Variants in RREB1 observed in about 807,000 individuals in gnomAD.
RREB1 encodes ras responsive element binding protein 1, also known as ras-responsive element-binding protein 1.
Under a neutral mutation model 117.8 loss-of-function variants are expected in RREB1, and 27 were observed. The ratio of observed to expected loss-of-function variants is 0.23; its 90% CI spans 0.17 to 0.32. The LOEUF (loss-of-function observed/expected upper bound fraction) is 0.32, where lower values mean the gene tolerates loss of function less well. Among genes scored for constraint, RREB1 ranks in the 10% least tolerant of loss-of-function variants. The pLI is 1.00. For synonymous variants in RREB1, 1,298 were observed against 1,026.7 expected (o/e 1.26, Z -5.05); for missense variants, 2,577 against 2,378.2 (o/e 1.08, Z -1.74).
chr6:7,230,613 C>G lies in RREB1; in HGVS notation c.2514C>G (p.Ala838=). 1 of 1,604,488 alleles carries G rather than the reference C, an allele frequency of 6.2e-7. No individual in the cohort carries two copies. Among genetic ancestry groups the G allele is most frequent in the South Asian group, 1.1e-5 (1 of 90,306 alleles). Residue 838 remains alanine (A), a synonymous_variant, in exon 10 of 13, where the codon GCC becomes GCG. Transcript: ENST00000379938. ...GCCTGGGCCCCGCAGAGGCGCCGGC[C>G]GCTGAGGCGTCGGGGCGCGGGGAGG... is the stretch of plus-strand genomic sequence containing the variant. The part of the protein sequence containing the change: ...ADGLGPAEAP[A]AEASGRGEDS...
intron 1 of RREB1, among the ~76,000 whole-genome samples, chr6:7,123,297 CTG>C (rs892870686): frequency 6.6e-6 from 1 of 151,800 alleles, no homozygotes; most frequent in African/African-American, 2.4e-5. Flanking sequence ...AGCTGGGACT[CTG>C]TACAGGCGCG....
At chr6:7,202,271 G>C (rs1766031083) in intron 6 of RREB1, among the ~76,000 whole-genome samples, 1 of 152,216 alleles carries the variant, frequency 6.6e-6, no homozygotes, top group East Asian at 1.9e-4. Context: ...TTTTGGAACT[G>C]GCTGAGGAGT....
chr6:7,147,289 T>C (rs1158367424), intron 1 of RREB1, among the ~76,000 whole-genome samples: 1 of 152,206 alleles, frequency 6.6e-6, no homozygotes, highest in Non-Finnish European at 1.5e-5. Flanking sequence ...GTTGTTTTTT[T>C]CCCCCTTAGA....
intron 1 of RREB1, among the ~76,000 whole-genome samples, chr6:7,110,115 C>T (rs969638072): frequency 6.6e-6 from 1 of 151,942 alleles, no homozygotes. Flanking sequence ...TATTTTTTTT[C>T]CCCTTTATAT....
intron 8 of RREB1, chr6:7,216,697 G>A (rs1394069586): frequency 6.6e-6 from 1 of 152,272 alleles, no homozygotes; most frequent in African/African-American, 2.4e-5. Context: ...CTAAAAACAG[G>A]GAAAAGATAA....
rs757637155 is a variant in RREB1 at position 7,229,711 on chromosome 6, A to T, written c.1612A>T (p.Ile538Phe). Residue 538 changes from isoleucine to phenylalanine, a missense_variant, in exon 10 of 13, where the codon ATC (isoleucine) becomes TTC (phenylalanine). By Grantham distance (21) the Ile-to-Phe change is conservative (BLOSUM62 0). Coordinates refer to ENST00000379938, the MANE Select transcript of RREB1 (RefSeq NM_001003699.4). The surrounding 1 kb of genome is among the most constrained non-coding windows in gnomAD (Gnocchi z 4.5). ...INAQQASPGC[I>F]SPSLPPPPLK... is the part of the protein sequence containing the mutation. Reference sequence around the variant, plus strand: ...CGCCCAGCAGGCTTCCCCGGGCTGTATCAGCCCCAGCCTGCCGCCACCGCC... The same window carrying T: ...CGCCCAGCAGGCTTCCCCGGGCTGTTTCAGCCCCAGCCTGCCGCCACCGCC... The T allele has an allele frequency of 5.0e-6, 8 of 1,606,056 alleles. No individual in the cohort carries two copies. Among genetic ancestry groups the T allele is most frequent in the Non-Finnish European group, 5.1e-6 (6 of 1,175,422 alleles).
intron 1 of RREB1, among the ~76,000 whole-genome samples, chr6:7,161,427 G>A (rs1763655529): frequency 6.6e-6 from 1 of 152,186 alleles, no homozygotes; most frequent in Non-Finnish European, 1.5e-5. Flanking sequence ...AAAGACTGCA[G>A]ATGTTCTTAG....
chr6:7,186,725 G>A (rs1364203365), intron 4 of RREB1, among the ~76,000 whole-genome samples: 1 of 152,176 alleles, frequency 6.6e-6, no homozygotes, highest in Non-Finnish European at 1.5e-5. Flanking sequence ...TGCATTCTGA[G>A]GGAACATAAA....
rs1769126866 is a variant in RREB1 at position 7,247,073 on chromosome 6, A to C, written c.4623A>C (p.Ser1541=). The stretch of plus-strand genomic sequence containing the variant: ...AGAGCGCGGCCGAGAAAAGGTCCTC[A>C]GAGAAGAGCGACGATGACAAGAAAC... The part of the protein sequence containing the change: ...DGESAAEKRS[S]EKSDDDKKPK... Residue 1541 remains serine (S), a synonymous_variant, in exon 12 of 13, where the codon TCA becomes TCC. Coordinates refer to ENST00000379938, the MANE Select transcript of RREB1 (RefSeq NM_001003699.4). 1 of 1,613,632 alleles carries C rather than the reference A, an allele frequency of 6.2e-7. No individual in the cohort carries two copies. Among genetic ancestry groups the C allele is most frequent in the South Asian group, 1.1e-5 (1 of 91,094 alleles).
In RREB1 at chr6:7,231,541, G is replaced by C; in HGVS notation, c.3442G>C (p.Gly1148Arg). 6.2e-7 allele frequency: 1 copy of C among 1,609,410 alleles called. No homozygotes were observed. The highest frequency in any genetic ancestry group is 8.5e-7 in the Non-Finnish European group (1 of 1,178,204). ...CTCTCCCACCGAGCAGGGCCCAGCGGGCACGTCGAAGAAGAGGGGCCGGAA... is the reference window on the plus strand; with the variant it reads ...CTCTCCCACCGAGCAGGGCCCAGCGCGCACGTCGAAGAAGAGGGGCCGGAA... ...AASPTEQGPA[G>R]TSKKRGRKRG... The change falls in exon 10 of 13, where the codon GGC (glycine) becomes CGC (arginine). Residue 1148 changes from glycine (G) to arginine (R), a missense_variant. By Grantham distance (125) the Gly-to-Arg change is moderately radical. Transcript: ENST00000379938.
In RREB1 at chr6:7,246,424, ACAGT is replaced by A. The variant is rs896737654; in HGVS notation, c.3980_3983del (p.Gln1327ArgfsTer13). 8 of 1,476,984 alleles carry A rather than the reference ACAGT, an allele frequency of 5.4e-6. No homozygotes were observed. Among genetic ancestry groups the A allele is most frequent in the Admixed American group, 2.3e-5 (1 of 43,474 alleles). 91.5% of individuals were successfully genotyped at this position (1,476,984 alleles called of 1,614,324 possible). On this transcript the variant is annotated frameshift_variant and splice_region_variant, in exon 12 of 13. Transcript: ENST00000379938. LOFTEE classifies it high-confidence loss of function. Reference sequence around the variant, plus strand: ...CCTCCCCGCTGTGCTTGCCCCACAGACAGTCAGTCGGATGCGGAGACTGCAGCCG... The same window carrying A: ...CCTCCCCGCTGTGCTTGCCCCACAGACAGTCGGATGCGGAGACTGCAGCCG...
intron 1 of RREB1, among the ~76,000 whole-genome samples, chr6:7,156,702 C>T (rs892642132): frequency 2.6e-5 from 4 of 152,186 alleles, no homozygotes; most frequent in African/African-American, 7.2e-5. Flanking sequence ...ATTGGGCATC[C>T]GTTGGAAGAA....
intron 6 of RREB1, among the ~76,000 whole-genome samples, chr6:7,190,593 T>C (rs1319625092): frequency 6.6e-6 from 1 of 152,260 alleles, no homozygotes; most frequent in Non-Finnish European, 1.5e-5. Flanking sequence ...TCAGTCCTGA[T>C]GGGTTATTCT....
Position 7,229,446 on chromosome 6 carries a change from G to T in RREB1, c.1347G>T (p.Gln449His). The T allele has an allele frequency of 6.2e-7, 1 of 1,614,188 alleles. No individual in the cohort carries two copies. The highest frequency in any genetic ancestry group is 8.5e-7 in the Non-Finnish European group (1 of 1,180,022). The change falls in exon 10 of 13, where the codon CAG (glutamine) becomes CAT (histidine). Residue 449 changes from glutamine to histidine, a missense_variant. Physicochemically the swap from Gln to His is conservative, Grantham distance 24. Coordinates refer to ENST00000379938, the MANE Select transcript of RREB1 (RefSeq NM_001003699.4). The surrounding 1 kb of genome is among the most constrained non-coding windows in gnomAD (Gnocchi z 4.5). ...CCTTCCAGAAGGGCTTCATCATCCA[G>T]CCTGACAGCAGCATTGTGGTCAAGC... ...LQPFQKGFII[Q>H]PDSSIVVKPI...
chr6:7,207,999 G>T (rs530625954), intron 6 of RREB1, among the ~76,000 whole-genome samples: 1 of 152,204 alleles, frequency 6.6e-6, no homozygotes. Flanking sequence ...CCTCCAGTCT[G>T]CTGTGGAGAG....
At chr6:7,160,104 G>T (rs993525350) in intron 1 of RREB1, among the ~76,000 whole-genome samples, 15 of 149,610 alleles carry the variant, frequency 1.0e-4, no homozygotes, top group African/African-American at 1.5e-4. Flanking sequence ...ACTGAAATTT[G>T]ATCACTTTCT....
chr6:7,115,388 T>G (rs1581400671), intron 1 of RREB1, among the ~76,000 whole-genome samples: 2 of 108,020 alleles, frequency 1.9e-5, no homozygotes, highest in Non-Finnish European at 1.7e-5. Context: ...AGACAGGAGG[T>G]AAGGAAACCA....
chr6:7,189,396 G>A (rs1765278113), intron 6 of RREB1, 74 bp downstream of exon 6: 3 of 1,383,630 alleles, frequency 2.2e-6, no homozygotes, highest in East Asian at 5.1e-5. Context: ...TGGCCTCTGA[G>A]CCTTCAGAAG....
At chr6:7,242,162 G>A (rs1374453597) in intron 11 of RREB1, among the ~76,000 whole-genome samples, 2 of 152,198 alleles carry the variant, frequency 1.3e-5, no homozygotes, top group African/African-American at 4.8e-5. Context: ...GGGTTTCCAT[G>A]TTTACAAATA....
Sources: allele counts gnomAD v4.1 joint callset (sites outside exome capture counted in the v4.1 genomes callset), GRCh38; gene constraint gnomAD v4.1.1; non-coding constraint Gnocchi (gnomAD v3.1); transcripts MANE v1.5; gene names NCBI Gene and HGNC (gene_info 2026-07-23, HGNC 2026-07-21).